Variants in RAD51D observed in about 807,000 individuals in gnomAD.
The protein encoded by RAD51D is RAD51 paralog D.
In RAD51D, 38 loss-of-function variants were observed where a neutral mutation model predicts 44.1. That is an observed-to-expected ratio of 0.86 (90% CI 0.67 to 1.13). The LOEUF is 1.13. Ranked by LOEUF, RAD51D falls within the 50% of genes most tolerant of loss-of-function variation. The pLI is 0.00. For synonymous variants in RAD51D, 141 were observed against 166.6 expected, an observed-to-expected ratio of 0.85 and a Z score of 1.18; for missense variants, 390 against 414.0, an observed-to-expected ratio of 0.94 and a Z score of 0.50.
Position 35,093,270 on chromosome 17 carries a change from G to A in RAD51D, c.*7683C>T, listed in dbSNP as rs966183882. 1 of 152,162 alleles carries A rather than the reference G, an allele frequency of 6.6e-6. No individual in the cohort carries two copies. The highest frequency in any genetic ancestry group is 1.5e-5 in the Non-Finnish European group (1 of 68,026). The allele number at this position is 152,162 out of a possible 1,614,324, so 9.4% of individuals were successfully genotyped here. A position where few individuals can be genotyped will look rare whatever the true frequency, so the allele number is the denominator to read the frequency against. ...GGTGGATGAAACTAAGGCTTAAAGAGACTGTTATTCATCCATTGTTATATG... is the reference window on the plus strand; with the variant it reads ...GGTGGATGAAACTAAGGCTTAAAGAAACTGTTATTCATCCATTGTTATATG... On this transcript the variant is annotated 3_prime_UTR_variant, in exon 10 of 10. Coordinates refer to ENST00000345365, the MANE Select transcript of RAD51D (RefSeq NM_002878.4).
intron 8 of RAD51D, 152 bp from the exon 9 acceptor site, chr17:35,101,517 C>T (rs1297080905): frequency 4.8e-6 from 4 of 836,024 alleles, no homozygotes; most frequent in Non-Finnish European, 7.8e-6. Flanking sequence ...GGAACTAGAA[C>T]CTGGGCCTCC....
Position 35,103,349 on chromosome 17 carries a change from G to C in RAD51D, c.668-25C>G. On this transcript the variant is annotated intron_variant, in intron 7 of 9. Coordinates refer to ENST00000345365, the MANE Select transcript of RAD51D (RefSeq NM_002878.4). This position sits in a 1 kb window ranked among gnomAD's most constrained non-coding sequence, Gnocchi z 4.1. ...CCTGCAGGAGGAGGAGAAGCAGAGA[G>C]GGAGGGCAGTGGGGAACCAGGGATG... 6.2e-7 allele frequency: 1 copy of C among 1,612,758 alleles called. No homozygotes were observed. Among genetic ancestry groups the C allele is most frequent in the East Asian group, 2.2e-5 (1 of 44,854 alleles).
Position 35,106,405 on chromosome 17 carries a change from C to T in RAD51D, c.557G>A (p.Arg186Gln), listed in dbSNP as rs780491769. ...GCTCACCTGCTGGGCCACAGTGCCT[C>T]GGAGCTCCTGCAGCACATCCAGCAT... ...FQMLDVLQEL[R>Q]GTVAQQVTGS... Residue 186 changes from arginine to glutamine, a missense_variant, in exon 6 of 10, where the codon CGA becomes CAA. Physicochemically the swap from Arg to Gln is conservative, Grantham distance 43. Coordinates refer to ENST00000345365, the MANE Select transcript of RAD51D (RefSeq NM_002878.4). 5.0e-6 allele frequency: 8 copies of T among 1,613,126 alleles called. No individual in the cohort carries two copies. The highest frequency in any genetic ancestry group is 2.7e-5 in the African/African-American group (2 of 75,022).
intron 8 of RAD51D, 83 bp from the exon 9 acceptor site, chr17:35,101,448 A>G (rs936458379): frequency 6.9e-6 from 10 of 1,446,588 alleles, no homozygotes; most frequent in African/African-American, 2.8e-5. Flanking sequence ...GGAGAGGAAA[A>G]CAGAGGCCTA....
At chr17:35,109,259 G>T (rs1380293874) in intron 3 of RAD51D, among the ~76,000 whole-genome samples, 1 of 152,200 alleles carries the variant, frequency 6.6e-6, no homozygotes, top group South Asian at 2.1e-4. Context: ...CTGCTAAAAA[G>T]TATTCCATGG....
rs1426545732 is a variant in RAD51D, at chr17:35,099,078, T to C, written c.*1875A>G. Reference sequence around the variant, plus strand: ...CCAGGCTGATTTTAAACTGTTAAACTCCTGGGCTCAAGTGATCCTCCCGCC... The same window carrying C: ...CCAGGCTGATTTTAAACTGTTAAACCCCTGGGCTCAAGTGATCCTCCCGCC... On this transcript the variant is annotated 3_prime_UTR_variant, in exon 10 of 10. Coordinates refer to ENST00000345365, the MANE Select transcript of RAD51D (RefSeq NM_002878.4). 1 of 152,182 alleles carries C rather than the reference T, an allele frequency of 6.6e-6. No individual in the cohort carries two copies. Among genetic ancestry groups the C allele is most frequent in the African/African-American group, 2.4e-5 (1 of 41,402 alleles). 9.4% of individuals were successfully genotyped at this position (152,182 alleles called of 1,614,324 possible).
At position 35,110,934 on chromosome 17, in the gene RAD51D, C is replaced by T. The variant is rs1488542568; in HGVS notation, c.264-3487G>A. On this transcript the variant is annotated intron_variant, in intron 3 of 9. Transcript: ENST00000345365. ...CAGCCTGGCCAACATGGTGAAACCC[C>T]ATCTCTATTAAAAATACAAGATTAG... 2.0e-5 allele frequency among the ~76,000 whole-genome samples: 3 copies of T among 151,910 alleles called. No homozygotes were observed. The East Asian group carries it at 5.8e-4, about 29-fold the overall frequency.
At chr17:35,115,936 G>GAAGGAAGA (rs1555569864) in intron 3 of RAD51D, among the ~76,000 whole-genome samples, 6 of 123,454 alleles carry the variant, frequency 4.9e-5, no homozygotes, top group South Asian at 2.7e-4. Flanking sequence ...AGGAAGGAAG[G>GAAGGAAGA]AAGAAAGAAA....
chr17:35,115,980 A>AGAAAGAAAGAAG (rs1471750052), intron 3 of RAD51D, among the ~76,000 whole-genome samples: 19 of 150,840 alleles, frequency 1.3e-4, no homozygotes, highest in African/African-American at 4.6e-4. Flanking sequence ...AAAGAAAGAA[A>AGAAAGAAAGAAG]GAAAGAAAGA....
In RAD51D at chr17:35,119,817, G is replaced by A; in HGVS notation, c.-204C>T. On this transcript the variant is annotated 5_prime_UTR_variant, in exon 1 of 10. Coordinates refer to ENST00000345365, the MANE Select transcript of RAD51D (RefSeq NM_002878.4). ...CCGCCCGGGATCCGCCGGGATTCCC[G>A]CGCCCAGAGCCCGCCCGCCGGGTCG... The A allele has an allele frequency of 1.4e-6, 1 of 697,988 alleles. No homozygotes were observed. Among genetic ancestry groups the A allele is most frequent in the Admixed American group, 2.0e-5 (1 of 49,346 alleles). 43.2% of individuals were successfully genotyped at this position (697,988 alleles called of 1,614,324 possible). A position where few individuals can be genotyped will look rare whatever the true frequency, so the allele number is the denominator to read the frequency against.
intron 9 of RAD51D, 82 bp downstream of exon 9, chr17:35,101,119 A>G (rs2142410086): frequency 1.2e-6 from 2 of 1,609,870 alleles, no homozygotes; most frequent in Non-Finnish European, 1.7e-6. Context: ...GCCTCTAAAG[A>G]GTTCTTCTCG....
intron 3 of RAD51D, among the ~76,000 whole-genome samples, chr17:35,113,959 A>G (rs555908219): frequency 6.6e-6 from 1 of 152,302 alleles, no homozygotes; most frequent in South Asian, 2.1e-4. Context: ...AGTTAGTCTC[A>G]ATCCTGCCTG....
intron 9 of RAD51D, 21 bp downstream of exon 9, chr17:35,101,180 A>G: frequency 6.2e-7 from 1 of 1,614,106 alleles, no homozygotes; most frequent in Non-Finnish European, 8.5e-7. Flanking sequence ...GATTACTGGC[A>G]TCTTCCTGGG....
Position 35,093,104 on chromosome 17 carries a change from A to G in RAD51D, c.*7849T>C, listed in dbSNP as rs938009802. The G allele has an allele frequency of 1.3e-5, 2 of 152,246 alleles. No homozygotes were observed. The highest frequency in any genetic ancestry group is 2.4e-5 in the African/African-American group (1 of 41,476). 9.4% of individuals were successfully genotyped at this position (152,246 alleles called of 1,614,324 possible). On this transcript the variant is annotated 3_prime_UTR_variant, in exon 10 of 10. Transcript: ENST00000345365. Reference sequence around the variant, plus strand: ...GCCTGGACAGAAGAAAGCTGTCATCAGTATCCCCCATGCATCATAAGCTTA... The same window carrying G: ...GCCTGGACAGAAGAAAGCTGTCATCGGTATCCCCCATGCATCATAAGCTTA...
intron 3 of RAD51D, among the ~76,000 whole-genome samples, chr17:35,113,738 T>C (rs932368948): frequency 1.1e-4 from 17 of 152,142 alleles, no homozygotes; most frequent in Non-Finnish European, 1.6e-4. Context: ...ATTCTTCCCA[T>C]TGAGATCAGA....
At chr17:35,118,054 G>A (rs952631907) in intron 3 of RAD51D, among the ~76,000 whole-genome samples, 2 of 152,218 alleles carry the variant, frequency 1.3e-5, no homozygotes, top group African/African-American at 4.8e-5. Context: ...AAAATAAGAA[G>A]TAGGGCCAGA....
At chr17:35,115,926 AGG>A (rs2091732897) in intron 3 of RAD51D, among the ~76,000 whole-genome samples, 1 of 138,202 alleles carries the variant, frequency 7.2e-6, no homozygotes, top group Non-Finnish European at 1.6e-5. Context: ...GAAGGAAGGA[AGG>A]AAGGAAGGAA....
chr17:35,110,951 C>T (rs2091667295), intron 3 of RAD51D, among the ~76,000 whole-genome samples: 1 of 151,678 alleles, frequency 6.6e-6, no homozygotes, highest in Admixed American at 6.6e-5. Flanking sequence ...ATTAAAAATA[C>T]AAGATTAGCT....
chr17:35,100,433 G>A lies in RAD51D; in HGVS notation c.*520C>T. 1.9e-6 allele frequency: 1 copy of A among 534,380 alleles called. No homozygotes were observed. Among genetic ancestry groups the A allele is most frequent in the South Asian group, 1.5e-5 (1 of 65,164 alleles). The allele number at this position is 534,380 out of a possible 1,614,324, so 33.1% of individuals were successfully genotyped here. A position where few individuals can be genotyped will look rare whatever the true frequency, so the allele number is the denominator to read the frequency against. ...AAGAGCAAAACAGAGATGAAGAAGA[G>A]TATTTCATTTATAAGCTTATTTCCA... On this transcript the variant is annotated 3_prime_UTR_variant, in exon 10 of 10. Transcript: ENST00000345365.
Sources: gnomAD v4.1 joint callset for allele counts (sites outside exome capture counted in the v4.1 genomes callset) on GRCh38, gnomAD v4.1.1 for gene constraint, Gnocchi (gnomAD v3.1) non-coding constraint, MANE v1.5 for transcripts, NCBI Gene and HGNC (gene_info 2026-07-23, HGNC 2026-07-21) for gene names.